RSPO3: variants seen among roughly 807,000 people sequenced by gnomAD.
The protein encoded by RSPO3 is R-spondin-3.
In RSPO3, 17 loss-of-function variants were observed where a neutral mutation model predicts 36.5. The observed-to-expected ratio is 0.47, with a 90% CI of 0.32 to 0.70. The LOEUF (loss-of-function observed/expected upper bound fraction) is 0.70, where lower values mean the gene tolerates loss of function less well. Ranked by LOEUF, RSPO3 falls within the 30% of genes least tolerant of loss-of-function variation. RSPO3 has a pLI of 0.04. For missense variants in RSPO3, 294 were observed against 322.5 expected (o/e 0.91, Z 0.68); for synonymous variants, 108 against 107.0 (o/e 1.01, Z -0.06).
At chr6:127,172,357 C>A (rs193142106) in intron 4 of RSPO3, among the ~76,000 whole-genome samples, 1 of 151,390 alleles carries the variant, frequency 6.6e-6, no homozygotes. Flanking sequence ...TGCTTTAAAT[C>A]CTAATGTTCC....
At chr6:127,162,751 C>T (rs1774733382) in intron 4 of RSPO3, among the ~76,000 whole-genome samples, 2 of 152,118 alleles carry the variant, frequency 1.3e-5, no homozygotes, top group South Asian at 2.1e-4. Context: ...TGTAAGCATA[C>T]ACCTTTGTTA....
chr6:127,186,420 C>G (rs1202644440), intron 4 of RSPO3, among the ~76,000 whole-genome samples: 3 of 151,966 alleles, frequency 2.0e-5, no homozygotes, highest in Admixed American at 2.0e-4. Context: ...AAATAGAAAC[C>G]ATTAATTTTG....
At chr6:127,155,466 G>A (rs1387248380) in intron 4 of RSPO3, 28 bp downstream of exon 4, 2 of 1,589,922 alleles carry the variant, frequency 1.3e-6, no homozygotes, top group Non-Finnish European at 1.7e-6. Context: ...AAATGTGCTT[G>A]TTTGAATCCT....
intron 1 of RSPO3, among the ~76,000 whole-genome samples, chr6:127,127,771 A>T (rs1451523487): frequency 6.6e-6 from 1 of 151,812 alleles, no homozygotes; most frequent in East Asian, 1.9e-4. Context: ...CATTTTCTAA[A>T]TTCCACCCAC....
chr6:127,153,260 G>A (rs570060695), intron 3 of RSPO3, among the ~76,000 whole-genome samples: 3 of 152,118 alleles, frequency 2.0e-5, no homozygotes, highest in South Asian at 4.2e-4. Flanking sequence ...CTTAACCAAG[G>A]AGTGCCTCAA....
At chr6:127,130,837 T>A (rs912168255) in intron 1 of RSPO3, among the ~76,000 whole-genome samples, 1 of 151,098 alleles carries the variant, frequency 6.6e-6, no homozygotes, top group Non-Finnish European at 1.5e-5. Context: ...TTATGATGAG[T>A]TTTTTTTTAT....
chr6:127,171,486 A>G (rs1485027897), intron 4 of RSPO3, among the ~76,000 whole-genome samples: 2 of 151,712 alleles, frequency 1.3e-5, no homozygotes, highest in African/African-American at 4.8e-5. Flanking sequence ...CATTTATACT[A>G]ACTTATAGAA....
intron 4 of RSPO3, among the ~76,000 whole-genome samples, chr6:127,162,843 T>C (rs1774734663): frequency 6.6e-6 from 1 of 152,168 alleles, no homozygotes; most frequent in Non-Finnish European, 1.5e-5. Context: ...AGACATTTGT[T>C]AATGCTGGCA....
intron 1 of RSPO3, among the ~76,000 whole-genome samples, chr6:127,135,636 G>A (rs1562241585): frequency 6.6e-6 from 1 of 151,918 alleles, no homozygotes; most frequent in Non-Finnish European, 1.5e-5. Flanking sequence ...CAACAGAAAA[G>A]CACATGTCGA....
rs61386099 is a variant in RSPO3 at position 127,167,240 on chromosome 6, G to T, written c.634+11802G>T. Among the ~76,000 whole-genome samples the T allele has an allele frequency of 4.6e-3, 701 of 151,858 alleles. 4 individuals are homozygous for T. Among genetic ancestry groups the T allele is most frequent in the African/African-American group, 0.016 (655 of 41,454 alleles). On this transcript the variant is annotated intron_variant, in intron 4 of 4. Coordinates refer to ENST00000356698, the MANE Select transcript of RSPO3 (RefSeq NM_032784.5). ...CACAGATCGTCCCATCACCTATTAA[G>T]CCCAGCATCCATTAATTATTCTTCC...
intron 4 of RSPO3, among the ~76,000 whole-genome samples, chr6:127,193,694 C>A (rs1775458953): frequency 6.6e-6 from 1 of 152,056 alleles, no homozygotes; most frequent in South Asian, 2.1e-4. Flanking sequence ...TTAAATTATG[C>A]TACATATTCA....
At chr6:127,184,671 G>A (rs1239145004) in intron 4 of RSPO3, among the ~76,000 whole-genome samples, 2 of 152,084 alleles carry the variant, frequency 1.3e-5, no homozygotes, top group East Asian at 3.9e-4. Flanking sequence ...TAGGGTACAA[G>A]TCTTAATATG....
chr6:127,119,377 G>T, intron 1 of RSPO3, 88 bp downstream of exon 1: 1 of 920,136 alleles, frequency 1.1e-6, no homozygotes, highest in Non-Finnish European at 1.8e-6. Context: ...GCTCCCAACT[G>T]CAGCGGTCCT....
intron 1 of RSPO3, among the ~76,000 whole-genome samples, chr6:127,123,406 T>C (rs1773883425): frequency 6.6e-6 from 1 of 152,162 alleles, no homozygotes; most frequent in South Asian, 2.1e-4. Context: ...TAGAATTTGC[T>C]GAAGAAAGTG....
rs557159546 is a variant in RSPO3 at position 127,196,598 on chromosome 6, C to T, written c.*591C>T. ...TTTATAAGAAACACAAGAGTGCATA[C>T]CAGAATTGAATATACCATATGGGAT... is the stretch of plus-strand genomic sequence containing the variant. On this transcript the variant is annotated 3_prime_UTR_variant, in exon 5 of 5. Coordinates refer to ENST00000356698, the MANE Select transcript of RSPO3 (RefSeq NM_032784.5). The T allele has an allele frequency of 6.6e-5, 10 of 152,124 alleles. No homozygotes were observed. The highest frequency in any genetic ancestry group is 1.5e-4 in the Non-Finnish European group (10 of 68,028). 9.4% of individuals were successfully genotyped at this position (152,124 alleles called of 1,614,324 possible).
chr6:127,122,239 T>C (rs1467493511), intron 1 of RSPO3, among the ~76,000 whole-genome samples: 1 of 152,214 alleles, frequency 6.6e-6, no homozygotes, highest in Non-Finnish European at 1.5e-5. Flanking sequence ...AAAGAAACAA[T>C]GTTTTAAGAC....
At chr6:127,160,338 A>G (rs946777564) in intron 4 of RSPO3, among the ~76,000 whole-genome samples, 14 of 152,320 alleles carry the variant, frequency 9.2e-5, no homozygotes, top group African/African-American at 3.4e-4. Flanking sequence ...CCTTGAAAGA[A>G]TGTAGGCACT....
At chr6:127,163,362 T>C (rs1360631325) in intron 4 of RSPO3, among the ~76,000 whole-genome samples, 3 of 152,114 alleles carry the variant, frequency 2.0e-5, no homozygotes, top group Non-Finnish European at 4.4e-5. Flanking sequence ...CATAGATAAT[T>C]ATCTTGCTTT....
At chr6:127,153,231 T>C (rs933789219) in intron 3 of RSPO3, among the ~76,000 whole-genome samples, 1 of 152,150 alleles carries the variant, frequency 6.6e-6, no homozygotes, top group African/African-American at 2.4e-5. Context: ...GTGAATATTC[T>C]GTTTTTCCTT....
Sources: gnomAD v4.1 joint callset for allele counts (sites outside exome capture counted in the v4.1 genomes callset) on GRCh38, gnomAD v4.1.1 for gene constraint, MANE v1.5 for transcripts, NCBI Gene and HGNC (gene_info 2026-07-23, HGNC 2026-07-21) for gene names.